INTS6L: variants seen among roughly 807,000 people sequenced by gnomAD.
INTS6L encodes the protein integrator complex subunit 6-like.
A neutral mutation model predicts 64.7 loss-of-function variants in INTS6L; 18 were observed. The observed-to-expected ratio is 0.28, with a 90% CI of 0.19 to 0.41. INTS6L has a LOEUF of 0.41. Ranked by LOEUF, INTS6L falls within the 10% of genes least tolerant of loss-of-function variation. The pLI is 1.00. For missense variants in INTS6L, 533 were observed against 661.0 expected, an observed-to-expected ratio of 0.81 and a Z score of 2.12; for synonymous variants, 227 against 235.9, an observed-to-expected ratio of 0.96 and a Z score of 0.34.
intron 2 of INTS6L, among the ~76,000 whole-genome samples, chrX:135,537,754 T>G (rs2086094120): frequency 8.9e-6 from 1 of 112,396 alleles, no homozygotes; most frequent in African/African-American, 3.2e-5. Flanking sequence ...GAAGTGAATA[T>G]AGGCTTACCA....
Position 135,577,393 on chromosome X carries a change from T to C in INTS6L, c.2085T>C (p.Tyr695=), listed in dbSNP as rs782387534. 9.9e-6 allele frequency: 12 copies of C among 1,211,911 alleles called. No individual in the cohort carries two copies. In the East Asian group the frequency reaches 3.5e-4, roughly 36 times the overall value. The change falls in exon 15 of 18, where the codon TAT becomes TAC. Residue 695 remains tyrosine, a synonymous_variant. Coordinates refer to ENST00000639893, the MANE Select transcript of INTS6L (RefSeq NM_001351601.3). ...GPPSASWFPS[Y]PNLIKPTLVH... The stretch of plus-strand genomic sequence containing the variant: ...CCTCAGCCTCGTGGTTCCCATCTTA[T>C]CCAAACCTCATAAAACCCACCCTTG...
In INTS6L at chrX:135,569,322, A is replaced by G; in HGVS notation, c.1193-15A>G. On this transcript the variant is annotated splice_polypyrimidine_tract_variant and intron_variant, in intron 9 of 17. Coordinates refer to ENST00000639893, the MANE Select transcript of INTS6L (RefSeq NM_001351601.3). ...CAGGACTAGAATGATGTAATATTTT[A>G]TTTTTCTATTACAGATGACTTGTTT... 1 of 1,132,826 alleles carries G rather than the reference A, an allele frequency of 8.8e-7. No individual in the cohort carries two copies. Among genetic ancestry groups the G allele is most frequent in the Non-Finnish European group, 1.2e-6 (1 of 845,121 alleles). The allele number at this position is 1,132,826 out of a possible 1,213,427, so 93.4% of individuals were successfully genotyped here. A position where few individuals can be genotyped will look rare whatever the true frequency, so the allele number is the denominator to read the frequency against.
intron 2 of INTS6L, among the ~76,000 whole-genome samples, chrX:135,541,099 T>C (rs1209358254): frequency 9.0e-6 from 1 of 111,485 alleles, no homozygotes; most frequent in Non-Finnish European, 1.9e-5. Flanking sequence ...TCCTAGCTTC[T>C]TCTGACTACA....
chrX:135,543,268 G>T (rs1469136607), intron 2 of INTS6L, among the ~76,000 whole-genome samples: 47 of 112,191 alleles, frequency 4.2e-4, no homozygotes, highest in Non-Finnish European at 9.4e-5. Flanking sequence ...TGAGCATGGT[G>T]TACAAAGCAC....
chrX:135,576,602 TC>T (rs1261613598), intron 14 of INTS6L, among the ~76,000 whole-genome samples: 1 of 110,764 alleles, frequency 9.0e-6, no homozygotes, highest in Non-Finnish European at 1.9e-5. Context: ...CTTTTATCTA[TC>T]CCCCCAAGAG....
intron 14 of INTS6L, among the ~76,000 whole-genome samples, chrX:135,575,820 G>A (rs2087211593): frequency 9.1e-6 from 1 of 110,351 alleles, no homozygotes; most frequent in South Asian, 3.9e-4. Flanking sequence ...ATGTGTGTGT[G>A]TGTGTGTTAT....
chrX:135,578,506 A>G (rs1302623256), intron 15 of INTS6L, among the ~76,000 whole-genome samples: 7 of 111,875 alleles, frequency 6.3e-5, no homozygotes, highest in Non-Finnish European at 1.1e-4. Flanking sequence ...GCTAATATTT[A>G]TCAAAGTCAA....
Position 135,580,154 on chromosome X carries a change from T to A in INTS6L, c.2486T>A (p.Phe829Tyr). 1 of 1,176,384 alleles carries A rather than the reference T, an allele frequency of 8.5e-7. No homozygotes were observed. Among genetic ancestry groups the A allele is most frequent in the Non-Finnish European group, 1.1e-6 (1 of 877,307 alleles). The stretch of plus-strand genomic sequence containing the variant: ...CAATTAATGAAGGAAGTTCGAAAGT[T>A]TGGTCGAAGTAAGTAGTGAAAGAAC... ...KHQLMKEVRKFGRKYERIFIL... is the reference protein window; with the variant it reads ...KHQLMKEVRKYGRKYERIFIL... Residue 829 changes from phenylalanine (F) to tyrosine (Y), a missense_variant, in exon 16 of 18, where the codon TTT (phenylalanine) becomes TAT (tyrosine). By Grantham distance (22) the Phe-to-Tyr change is conservative (BLOSUM62 3). Transcript: ENST00000639893.
intron 2 of INTS6L, among the ~76,000 whole-genome samples, chrX:135,539,082 G>A (rs781920978): frequency 6.1e-4 from 68 of 112,140 alleles, no homozygotes; most frequent in African/African-American, 2.1e-3. Context: ...AGCTGCATTA[G>A]CCTCTAACAA....
chrX:135,550,586 ACTT>A (rs1431012958), intron 7 of INTS6L, among the ~76,000 whole-genome samples: 2 of 111,069 alleles, frequency 1.8e-5, no homozygotes, highest in African/African-American at 3.3e-5. Flanking sequence ...ACAAATCACT[ACTT>A]CTTCTATTTA....
In INTS6L at chrX:135,556,310, A is replaced by C. The variant is rs1556519259; in HGVS notation, c.1192+10A>C. On this transcript the variant is annotated intron_variant, in intron 9 of 17. Transcript: ENST00000639893. ...TTACTTCCTCTTTTAGGTAAGTAAA[A>C]CATGTGCCACTGAATCATCTTTAAA... 8.7e-7 allele frequency: 1 copy of C among 1,145,236 alleles called. No homozygotes were observed. The allele number at this position is 1,145,236 out of a possible 1,213,427, so 94.4% of individuals were successfully genotyped here.
At chrX:135,550,408 C>CTCCCAGT (rs782678927) in intron 7 of INTS6L, among the ~76,000 whole-genome samples, 1 of 100,210 alleles carries the variant, frequency 1.0e-5, no homozygotes, top group African/African-American at 3.6e-5. Context: ...ATTACAGTTG[C>CTCCCAGT]TCCCAGTGCC....
chrX:135,569,311 TG>T (rs1312469472), intron 9 of INTS6L, 25 bp from the exon 10 acceptor site: 1 of 1,051,394 alleles, frequency 9.5e-7, no homozygotes, highest in African/African-American at 1.9e-5. Flanking sequence ...ACTAGAATGA[TG>T]TAATATTTTA....
chrX:135,535,203 A>T (rs2086021114), intron 2 of INTS6L, among the ~76,000 whole-genome samples: 1 of 111,712 alleles, frequency 9.0e-6, no homozygotes, highest in African/African-American at 3.3e-5. Flanking sequence ...AGACAGTTCC[A>T]TTCTTATAAT....
intron 2 of INTS6L, among the ~76,000 whole-genome samples, chrX:135,523,741 C>T (rs995079481): frequency 8.9e-6 from 1 of 111,823 alleles, no homozygotes; most frequent in Non-Finnish European, 1.9e-5. Context: ...TTCTATAGAA[C>T]GGACAGGAAA....
chrX:135,521,897 A>G (rs1164319348), intron 2 of INTS6L, among the ~76,000 whole-genome samples: 4 of 99,209 alleles, frequency 4.0e-5, no homozygotes, highest in Admixed American at 1.1e-4. Flanking sequence ...TCTTCGCTGC[A>G]TCTCCTCCTT....
intron 6 of INTS6L, among the ~76,000 whole-genome samples, chrX:135,547,601 T>C (rs1160826601): frequency 1.8e-5 from 2 of 112,062 alleles, no homozygotes; most frequent in Non-Finnish European, 3.8e-5. Context: ...TAAATAATAA[T>C]CTTGTTTTGG....
intron 2 of INTS6L, among the ~76,000 whole-genome samples, chrX:135,541,860 T>C (rs1556512958): frequency 1.8e-5 from 2 of 112,500 alleles, no homozygotes; most frequent in African/African-American, 6.5e-5. Context: ...AAAAATTAAC[T>C]CTAAGCAATG....
rs782759650 is a variant in INTS6L, at chrX:135,577,299, T to C, written c.1991T>C (p.Met664Thr). ...SPMSSKRRRS[M>T]SLLLRKPQTP... ...ATGTCATCTAAGAGAAGGCGGAGTA[T>C]GTCCCTGCTGTTGAGGAAACCACAA... is the stretch of plus-strand genomic sequence containing the variant. The change falls in exon 15 of 18, where the codon ATG (methionine) becomes ACG (threonine). Residue 664 changes from methionine (M) to threonine (T), a missense_variant. Physicochemically the swap from Met to Thr is moderately conservative, Grantham distance 81. Coordinates refer to ENST00000639893, the MANE Select transcript of INTS6L (RefSeq NM_001351601.3). The C allele has an allele frequency of 1.7e-6, 2 of 1,211,445 alleles. No individual in the cohort carries two copies. The highest frequency in any genetic ancestry group is 2.2e-6 in the Non-Finnish European group (2 of 895,478).
Sources: allele counts gnomAD v4.1 joint callset (sites outside exome capture counted in the v4.1 genomes callset), GRCh38; gene constraint gnomAD v4.1.1; transcripts MANE v1.5; gene names NCBI Gene and HGNC (gene_info 2026-07-23, HGNC 2026-07-21).